The following DUS4L variants were observed in gnomAD, a reference collection of about 807,000 sequenced individuals.
The protein encoded by DUS4L is dihydrouridine synthase 4 like.
A neutral mutation model predicts 33.8 loss-of-function variants in DUS4L; 31 were observed. The ratio of observed to expected loss-of-function variants is 0.92; its 90% CI spans 0.69 to 1.24. The LOEUF is 1.24. DUS4L is among the 50% of genes most tolerant of loss of function. The pLI is 0.00. For missense variants in DUS4L, 368 were observed against 388.6 expected (o/e 0.95, Z 0.45); for synonymous variants, 103 against 120.3 (o/e 0.86, Z 0.94).
At chr7:107,575,016 T>C (rs1028678956) in intron 5 of DUS4L, 172 bp from the exon 6 acceptor site, 3 of 791,130 alleles carry the variant, frequency 3.8e-6, no homozygotes, top group Non-Finnish European at 5.9e-6. Context: ...GGAACATGTT[T>C]TCCTAATCTC....
intron 6 of DUS4L, chr7:107,575,842 T>C (rs931830783): frequency 4.9e-5 from 8 of 162,304 alleles, no homozygotes; most frequent in Non-Finnish European, 9.3e-5. Flanking sequence ...CAGGTGTGTG[T>C]CACCACACCT....
Position 107,567,675 on chromosome 7 carries a change from A to G in DUS4L, c.116+489A>G, listed in dbSNP as rs879101391. 17 of 319,704 alleles carry G rather than the reference A, an allele frequency of 5.3e-5. 1 individual carries two copies. The highest frequency in any genetic ancestry group is 4.5e-4 in the South Asian group (17 of 37,942). 19.8% of individuals were successfully genotyped at this position (319,704 alleles called of 1,614,324 possible). A position where few individuals can be genotyped will look rare whatever the true frequency, so the allele number is the denominator to read the frequency against. ...GTAACATAAAATTTACCTCTCGATCATTTTTAAGTATACAGTTCAGCAGTG... is the reference window on the plus strand; with the variant it reads ...GTAACATAAAATTTACCTCTCGATCGTTTTTAAGTATACAGTTCAGCAGTG... On this transcript the variant is annotated intron_variant, in intron 3 of 7. Transcript: ENST00000265720.
intron 4 of DUS4L, among the ~76,000 whole-genome samples, chr7:107,572,033 G>T (rs7805212): frequency 0.066 from 7,387 of 112,548 alleles, 587 homozygotes; most frequent in African/African-American, 0.22. Context: ...TTTTTTTTTT[G>T]ATCATCCTCT....
rs142528434 is a variant in DUS4L, at chr7:107,577,643, T to C, written c.*83T>C. ...GGTCATATTTTGTACCTTAAACCAG[T>C]AGCTCTCAAATTTTAGTATAAAAAC... On this transcript the variant is annotated 3_prime_UTR_variant, in exon 8 of 8. Transcript: ENST00000265720. 1.3e-4 allele frequency: 181 copies of C among 1,422,336 alleles called. No individual in the cohort carries two copies. The highest frequency in any genetic ancestry group is 1.0e-4 in the Non-Finnish European group (111 of 1,061,334). The allele number at this position is 1,422,336 out of a possible 1,614,324, so 88.1% of individuals were successfully genotyped here.
intron 4 of DUS4L, among the ~76,000 whole-genome samples, chr7:107,572,873 T>G (rs1416723155): frequency 2.0e-5 from 3 of 151,726 alleles, no homozygotes; most frequent in African/African-American, 7.3e-5. Flanking sequence ...CATTTATATG[T>G]AAGAGCACAA....
rs1468076097 is a variant in DUS4L at position 107,577,716 on chromosome 7, G to C, written c.*156G>C. The C allele has an allele frequency of 1.4e-6, 1 of 712,734 alleles. No individual in the cohort carries two copies. The highest frequency in any genetic ancestry group is 2.2e-6 in the Non-Finnish European group (1 of 452,458). 44.2% of individuals were successfully genotyped at this position (712,734 alleles called of 1,614,324 possible). A position where few individuals can be genotyped will look rare whatever the true frequency, so the allele number is the denominator to read the frequency against. ...AAATCAGTTGTAGACACCACCCTCA[G>C]AGATTCTGATTAGGTAGATCTGGAG... is the stretch of plus-strand genomic sequence containing the variant. On this transcript the variant is annotated 3_prime_UTR_variant, in exon 8 of 8. Transcript: ENST00000265720.
chr7:107,576,664 G>A (rs1805785701), intron 7 of DUS4L, 72 bp downstream of exon 7: 5 of 1,363,210 alleles, frequency 3.7e-6, no homozygotes, highest in South Asian at 1.4e-5. Context: ...ATGTTAATTT[G>A]ATTTTCATTT....
At position 107,566,782 on chromosome 7, in the gene DUS4L, G is replaced by C. The variant is rs77731794; in HGVS notation, c.-21-268G>C. Among the ~76,000 whole-genome samples the C allele has an allele frequency of 2.6e-3, 383 of 148,432 alleles. 1 individual carries two copies. Among genetic ancestry groups the C allele is most frequent in the African/African-American group, 8.7e-3 (359 of 41,062 alleles). On this transcript the variant is annotated intron_variant, in intron 2 of 7. Transcript: ENST00000265720. ...AAATAACATGAAAACTTACAACATG[G>C]TAAACTAGGGAAAAAAAAAAAATCT... is the stretch of plus-strand genomic sequence containing the variant.
At chr7:107,565,792 T>C (rs1008394010) in intron 2 of DUS4L, among the ~76,000 whole-genome samples, 1 of 152,196 alleles carries the variant, frequency 6.6e-6, no homozygotes, top group Non-Finnish European at 1.5e-5. Context: ...CCCAAAATGC[T>C]GAGTTTACAG....
rs1224444214 is a variant in DUS4L at position 107,564,683 on chromosome 7, T to C, written c.-22+7T>C. ...GACGCTGTAAGAGCATCAGGTTGGT[T>C]CCCATTGTATCTTCTTTACTAATAC... On this transcript the variant is annotated splice_region_variant and intron_variant, in intron 2 of 7. Coordinates refer to ENST00000265720, the MANE Select transcript of DUS4L (RefSeq NM_181581.3). The C allele has an allele frequency of 6.6e-6, 1 of 152,242 alleles. No homozygotes were observed. Among genetic ancestry groups the C allele is most frequent in the Non-Finnish European group, 1.5e-5 (1 of 68,048 alleles). 9.4% of individuals were successfully genotyped at this position (152,242 alleles called of 1,614,324 possible). A position where few individuals can be genotyped will look rare whatever the true frequency, so the allele number is the denominator to read the frequency against.
At chr7:107,576,022 A>G (rs115898132) in intron 6 of DUS4L, among the ~76,000 whole-genome samples, 3,547 of 152,308 alleles carry the variant, frequency 0.023, 139 homozygotes, top group African/African-American at 0.081. Context: ...AAAGTATTAT[A>G]TTCTCCCACT....
At chr7:107,564,927 A>T (rs1804470542) in intron 2 of DUS4L, among the ~76,000 whole-genome samples, 2 of 152,194 alleles carry the variant, frequency 1.3e-5, no homozygotes, top group Non-Finnish European at 2.9e-5. Context: ...AAAAGGTGCT[A>T]TTACTTATCC....
chr7:107,573,334 G>A lies in DUS4L; in HGVS notation c.239-370G>A, dbSNP rs932733072. On this transcript the variant is annotated intron_variant, in intron 4 of 7. Coordinates refer to ENST00000265720, the MANE Select transcript of DUS4L (RefSeq NM_181581.3). Reference sequence around the variant, plus strand: ...TGAGTACATCTCCCAGATACATGAGGAAAGAAAGGAACACTAGGCACAGTG... The same window carrying A: ...TGAGTACATCTCCCAGATACATGAGAAAAGAAAGGAACACTAGGCACAGTG... 3.3e-5 allele frequency among the ~76,000 whole-genome samples: 5 copies of A among 152,222 alleles called. No homozygotes were observed. In the East Asian group the frequency reaches 9.6e-4, roughly 29 times the overall value.
At chr7:107,575,405 C>A in intron 6 of DUS4L, 95 bp downstream of exon 6, 1 of 1,366,828 alleles carries the variant, frequency 7.3e-7, no homozygotes, top group Non-Finnish European at 9.9e-7. Context: ...AGTATCTATC[C>A]TAAATAAATT....
intron 3 of DUS4L, among the ~76,000 whole-genome samples, chr7:107,568,760 T>G (rs1193615659): frequency 6.6e-6 from 1 of 152,252 alleles, no homozygotes; most frequent in Non-Finnish European, 1.5e-5. Context: ...ATCCTGAATA[T>G]TTTCTCCTAA....
chr7:107,571,164 G>A lies in DUS4L; in HGVS notation c.136G>A (p.Val46Ile), dbSNP rs774622074. Residue 46 changes from valine to isoleucine, a missense_variant, in exon 4 of 8, where the codon GTA (valine) becomes ATA (isoleucine). Transcript: ENST00000265720. ...TCACAGGTTGGCTTTTAGGACACTA[G>A]TAAGAAAATATAGTTGTGATCTGTG... ...RYSKLAFRTL[V>I]RKYSCDLCYT... 1 of 1,613,516 alleles carries A rather than the reference G, an allele frequency of 6.2e-7. No individual in the cohort carries two copies. The highest frequency in any genetic ancestry group is 1.1e-5 in the South Asian group (1 of 90,882).
intron 7 of DUS4L, chr7:107,577,052 A>G: frequency 2.4e-6 from 1 of 414,462 alleles, no homozygotes; most frequent in Non-Finnish European, 4.2e-6. Flanking sequence ...GATTTACCCT[A>G]AAGAAAAACT....
intron 5 of DUS4L, 127 bp from the exon 6 acceptor site, chr7:107,575,061 T>A: frequency 7.7e-7 from 1 of 1,297,936 alleles, no homozygotes; most frequent in South Asian, 1.3e-5. Context: ...AATCTATGAA[T>A]TTTTTATATC....
chr7:107,573,705 T>G lies in DUS4L; in HGVS notation c.240T>G (p.Gly80=). The G allele has an allele frequency of 6.2e-7, 1 of 1,607,212 alleles. No individual in the cohort carries two copies. The highest frequency in any genetic ancestry group is 8.5e-7 in the Non-Finnish European group (1 of 1,177,488). Reference sequence around the variant, plus strand: ...ATGTTGAGCTATTCATTTTGTCAGGTGATTGCCCATTGATTGTTCAGTTTG... The same window carrying G: ...ATGTTGAGCTATTCATTTTGTCAGGGGATTGCCCATTGATTGTTCAGTTTG... The part of the protein sequence containing the change: ...ARDSEFTTNQ[G]DCPLIVQFAA... Residue 80 remains glycine (G), a splice_region_variant and synonymous_variant, in exon 5 of 8, where the codon GGT becomes GGG. Transcript: ENST00000265720.
Sources: gnomAD v4.1 joint callset for allele counts (sites outside exome capture counted in the v4.1 genomes callset) on GRCh38, gnomAD v4.1.1 for gene constraint, MANE v1.5 for transcripts, NCBI Gene and HGNC (gene_info 2026-07-23, HGNC 2026-07-21) for gene names.